MAGI3: variants seen among roughly 807,000 people sequenced by gnomAD.
The protein encoded by MAGI3 is membrane-associated guanylate kinase, WW and PDZ domain-containing protein 3.
A neutral mutation model predicts 121.8 loss-of-function variants in MAGI3; 43 were observed. The observed-to-expected ratio is 0.35, with a 90% CI of 0.28 to 0.46. The LOEUF (loss-of-function observed/expected upper bound fraction) is 0.46, where lower values mean the gene tolerates loss of function less well. Ranked by LOEUF, MAGI3 falls within the 20% of genes least tolerant of loss-of-function variation. The pLI is 1.00. For synonymous variants in MAGI3, 553 were observed against 639.3 expected (o/e 0.86, Z 2.04); for missense variants, 1,547 against 1,797.3 (o/e 0.86, Z 2.52).
intron 6 of MAGI3, among the ~76,000 whole-genome samples, chr1:113,613,380 G>C (rs1650276073): frequency 6.6e-6 from 1 of 152,038 alleles, no homozygotes; most frequent in Non-Finnish European, 1.5e-5. Context: ...AATGGGGTAG[G>C]GGTAATTCAG....
intron 1 of MAGI3, among the ~76,000 whole-genome samples, chr1:113,460,582 G>C (rs1176711783): frequency 1.3e-5 from 2 of 152,140 alleles, no homozygotes; most frequent in Non-Finnish European, 2.9e-5. Context: ...GGCCGAGGTG[G>C]GCGGATCATG....
chr1:113,568,445 G>T (rs1289176040), intron 2 of MAGI3, among the ~76,000 whole-genome samples: 1 of 152,060 alleles, frequency 6.6e-6, no homozygotes. Context: ...TAGATTCAAT[G>T]TAATTCCATA....
chr1:113,522,568 A>C (rs1658250822), intron 1 of MAGI3, among the ~76,000 whole-genome samples: 1 of 152,232 alleles, frequency 6.6e-6, no homozygotes, highest in Non-Finnish European at 1.5e-5. Context: ...AGAGATAATA[A>C]TACTCACCTC....
chr1:113,587,841 G>A (rs1648470370), intron 4 of MAGI3, among the ~76,000 whole-genome samples: 1 of 152,098 alleles, frequency 6.6e-6, no homozygotes, highest in African/African-American at 2.4e-5. Flanking sequence ...TCCCAAGAAT[G>A]TAACTCCTTT....
chr1:113,661,941 C>T (rs778479625), intron 16 of MAGI3, among the ~76,000 whole-genome samples: 2 of 152,176 alleles, frequency 1.3e-5, no homozygotes, highest in Non-Finnish European at 2.9e-5. Flanking sequence ...AATCTTCCTT[C>T]TGTCCATAAA....
chr1:113,603,809 A>C (rs1224719037), intron 6 of MAGI3, among the ~76,000 whole-genome samples: 2 of 152,222 alleles, frequency 1.3e-5, no homozygotes, highest in Non-Finnish European at 2.9e-5. Flanking sequence ...CCCACCAAAT[A>C]ATGCCACCAA....
intron 1 of MAGI3, chr1:113,404,533 A>G (rs189512891): frequency 8.3e-4 from 126 of 152,292 alleles, no homozygotes; most frequent in African/African-American, 2.9e-3. Flanking sequence ...CTATATCTGT[A>G]TGGTAGAAAC....
At chr1:113,651,262 T>A in intron 14 of MAGI3, 56 bp downstream of exon 14, 1 of 1,485,810 alleles carries the variant, frequency 6.7e-7, no homozygotes, top group Admixed American at 2.3e-5. Flanking sequence ...GATACTAGTC[T>A]ACTTCCTGTG....
chr1:113,513,537 T>C (rs893964463), intron 1 of MAGI3, among the ~76,000 whole-genome samples: 3 of 152,152 alleles, frequency 2.0e-5, no homozygotes, highest in Non-Finnish European at 4.4e-5. Flanking sequence ...AAGGATTCTC[T>C]ATTTAATAAA....
chr1:113,582,032 C>T (rs935755202), intron 3 of MAGI3, among the ~76,000 whole-genome samples: 4 of 151,664 alleles, frequency 2.6e-5, no homozygotes, highest in Admixed American at 6.6e-5. Flanking sequence ...TTGGTATGGA[C>T]GAAGTGGCAT....
intron 1 of MAGI3, among the ~76,000 whole-genome samples, chr1:113,401,280 G>T (rs1651385765): frequency 6.6e-6 from 1 of 152,014 alleles, no homozygotes; most frequent in Non-Finnish European, 1.5e-5. Context: ...AAAGGAAAAA[G>T]CACAATTCTG....
chr1:113,636,259 C>T (rs2101811768), intron 9 of MAGI3, among the ~76,000 whole-genome samples: 1 of 152,060 alleles, frequency 6.6e-6, no homozygotes. Context: ...TTATTTCTTG[C>T]CTTCTGCTAG....
At chr1:113,519,247 G>T (rs12024139) in intron 1 of MAGI3, among the ~76,000 whole-genome samples, 22,919 of 151,992 alleles carry the variant, frequency 0.15, 2,760 homozygotes, top group East Asian at 0.63. Context: ...TTGAGGCTGA[G>T]ACCTAGTTCA....
chr1:113,414,283 T>C (rs1652176298), intron 1 of MAGI3, among the ~76,000 whole-genome samples: 2 of 152,216 alleles, frequency 1.3e-5, no homozygotes, highest in Admixed American at 1.3e-4. Flanking sequence ...GTTTTGCCAG[T>C]ATTTTATTGA....
chr1:113,551,657 G>C (rs1659793574), intron 2 of MAGI3, among the ~76,000 whole-genome samples: 1 of 152,040 alleles, frequency 6.6e-6, no homozygotes, highest in African/African-American at 2.4e-5. Context: ...AATAGTTCTA[G>C]ACTTTACTCA....
intron 7 of MAGI3, among the ~76,000 whole-genome samples, chr1:113,616,525 A>G (rs560287657): frequency 1.3e-5 from 2 of 152,210 alleles, no homozygotes; most frequent in Admixed American, 6.5e-5. Context: ...GGAGCCTTGT[A>G]GTAGTAACAC....
At chr1:113,607,049 TA>T (rs1448689148) in intron 6 of MAGI3, among the ~76,000 whole-genome samples, 1 of 152,210 alleles carries the variant, frequency 6.6e-6, no homozygotes, top group Non-Finnish European at 1.5e-5. Context: ...TCCTAATCAC[TA>T]CACACTTGGA....
chr1:113,482,154 T>G (rs992307675), intron 1 of MAGI3, among the ~76,000 whole-genome samples: 2 of 152,140 alleles, frequency 1.3e-5, no homozygotes, highest in Admixed American at 6.5e-5. Flanking sequence ...TATTCCAATT[T>G]TCTAATTATT....
chr1:113,530,911 G>A (rs954871262), intron 1 of MAGI3, among the ~76,000 whole-genome samples: 2 of 55,992 alleles, frequency 3.6e-5, no homozygotes, highest in Non-Finnish European at 9.2e-5. Flanking sequence ...GCAAGCCCCT[G>A]TCTCAAAAAA....
Sources: allele counts gnomAD v4.1 joint callset (sites outside exome capture counted in the v4.1 genomes callset), GRCh38; gene constraint gnomAD v4.1.1; transcripts MANE v1.5; gene names NCBI Gene and HGNC (gene_info 2026-07-23, HGNC 2026-07-21).